The following RIMS3 variants were observed in gnomAD, a reference collection of about 807,000 sequenced individuals.
RIMS3 encodes the protein regulating synaptic membrane exocytosis protein 3.
A neutral mutation model predicts 29.2 loss-of-function variants in RIMS3; 15 were observed. The ratio of observed to expected loss-of-function variants is 0.51; its 90% CI spans 0.34 to 0.79. The LOEUF (loss-of-function observed/expected upper bound fraction) is 0.79, where lower values mean the gene tolerates loss of function less well. Ranked by LOEUF, RIMS3 falls within the 30% of genes least tolerant of loss-of-function variation. The pLI, the probability that RIMS3 is intolerant of heterozygous loss-of-function variation, is 0.01. For missense variants in RIMS3, 342 were observed against 421.4 expected (o/e 0.81, Z 1.65); for synonymous variants, 161 against 170.1 (o/e 0.95, Z 0.41).
At chr1:40,671,757 C>A in the RIMS3 span, among the ~76,000 whole-genome samples, 14 of 130,294 alleles carry the variant, frequency 1.1e-4, 1 homozygote, top group African/African-American at 3.7e-4. Context: ...CCTTTCTTTT[C>A]TTTTTTTTTT....
In RIMS3 at chr1:40,665,579, C is replaced by T. The variant is rs1642413084; in HGVS notation, c.-392G>A. The T allele has an allele frequency of 6.6e-6, 1 of 152,120 alleles. No homozygotes were observed. The highest frequency in any genetic ancestry group is 2.1e-4 in the South Asian group (1 of 4,830). The allele number at this position is 152,120 out of a possible 1,614,324, so 9.4% of individuals were successfully genotyped here. On this transcript the variant is annotated 5_prime_UTR_variant, in exon 1 of 8. Coordinates refer to ENST00000372684, the MANE Select transcript of RIMS3 (RefSeq NM_014747.3). ...GGGCGGGGAGGGGCGGCGAGGGAGG[C>T]TCACGGGGGCATCGCCCGCCACCAC...
Position 40,641,735 on chromosome 1 carries a change from T to C in RIMS3, c.191A>G (p.Lys64Arg). Residue 64 changes from lysine to arginine, a missense_variant, in exon 3 of 8, where the codon AAG becomes AGG. Physicochemically the swap from Lys to Arg is conservative, Grantham distance 26. Coordinates refer to ENST00000372684, the MANE Select transcript of RIMS3 (RefSeq NM_014747.3). ...VAIVGLTQWSKSTLQLPQPEG... is the reference protein window; with the variant it reads ...VAIVGLTQWSRSTLQLPQPEG... ...AGGCTGCGGAAGCTGGAGTGTGCTC[T>C]TGCTCCACTGAGTCAGGCCCACGAT... is the stretch of plus-strand genomic sequence containing the variant. 6.2e-7 allele frequency: 1 copy of C among 1,614,174 alleles called. No individual in the cohort carries two copies. The highest frequency in any genetic ancestry group is 8.5e-7 in the Non-Finnish European group (1 of 1,179,992).
chr1:40,663,815 C>T, intron 1 of RIMS3, among the ~76,000 whole-genome samples: 1 of 152,186 alleles, frequency 6.6e-6, no homozygotes, highest in East Asian at 1.9e-4. Context: ...TCCTGCACGC[C>T]CGCCCAGCAA....
chr1:40,646,748 C>T (rs1646598512), intron 2 of RIMS3, among the ~76,000 whole-genome samples: 1 of 152,184 alleles, frequency 6.6e-6, no homozygotes, highest in South Asian at 2.1e-4. Context: ...GATGTTTGGC[C>T]TCTACCCTGG....
the RIMS3 span, among the ~76,000 whole-genome samples, chr1:40,673,943 A>G: frequency 1.7e-5 from 2 of 117,338 alleles, no homozygotes; most frequent in Non-Finnish European, 3.8e-5. Context: ...TAAAGTGATC[A>G]GCAGTGACTG....
rs561024 is a variant in RIMS3 at position 40,629,292 on chromosome 1, G to C, written c.553C>G (p.Pro185Ala). ...TCACCTGGGAGGGATTTGGAGCCTG[G>C]TTTGGGGGTCAGGCCCCGAGCTTCA... is the stretch of plus-strand genomic sequence containing the variant. ...VIEARGLTPK[P>A]GSKSLPATYI... Residue 185 changes from proline (P) to alanine (A), a missense_variant, in exon 6 of 8, where the codon CCA becomes GCA. Transcript: ENST00000372684. 3,255 of 1,614,086 alleles carry C rather than the reference G, an allele frequency of 2.0e-3. 55 individuals carry two copies. In the African/African-American group the frequency reaches 0.038, roughly 19 times the overall value.
chr1:40,674,780 C>T, the RIMS3 span, among the ~76,000 whole-genome samples: 1 of 152,126 alleles, frequency 6.6e-6, no homozygotes. Context: ...GCAAGAAGGC[C>T]CTTGCCAGGT....
At chr1:40,639,688 G>C (rs1646543401) in intron 3 of RIMS3, among the ~76,000 whole-genome samples, 1 of 152,086 alleles carries the variant, frequency 6.6e-6, no homozygotes, top group South Asian at 2.1e-4. Context: ...TAAATGACAG[G>C]GGATGGATCT....
rs1313703656 is a variant in RIMS3 at position 40,641,690 on chromosome 1, A to G, written c.217+19T>C. On this transcript the variant is annotated intron_variant, in intron 3 of 7. Transcript: ENST00000372684. ...AAGTGTCCCCCACCTCTACCCCGTGATGTCCCATGCCCCCTCACCAGGCTG... is the reference window on the plus strand; with the variant it reads ...AAGTGTCCCCCACCTCTACCCCGTGGTGTCCCATGCCCCCTCACCAGGCTG... 1 of 1,613,074 alleles carries G rather than the reference A, an allele frequency of 6.2e-7. No homozygotes were observed. Among genetic ancestry groups the G allele is most frequent in the Non-Finnish European group, 8.5e-7 (1 of 1,179,326 alleles).
At chr1:40,656,981 C>G (rs990571238) in intron 1 of RIMS3, among the ~76,000 whole-genome samples, 2 of 152,202 alleles carry the variant, frequency 1.3e-5, no homozygotes, top group South Asian at 2.1e-4. Flanking sequence ...TGCAGGAGTT[C>G]GGGCACAGTG....
chr1:40,687,004 T>TC, the RIMS3 span, among the ~76,000 whole-genome samples: 1 of 60,786 alleles, frequency 1.6e-5, no homozygotes, highest in Non-Finnish European at 3.5e-5. Context: ...TGGTGGCTCC[T>TC]CAAAAAAAAA....
intron 1 of RIMS3, among the ~76,000 whole-genome samples, chr1:40,652,265 T>G (rs538900569): frequency 6.6e-6 from 1 of 152,298 alleles, no homozygotes; most frequent in African/African-American, 2.4e-5. Context: ...CACCATCCAG[T>G]GCTTATCAAA....
intron 2 of RIMS3, among the ~76,000 whole-genome samples, chr1:40,645,673 T>C (rs1646590481): frequency 6.6e-6 from 1 of 152,118 alleles, no homozygotes. Flanking sequence ...AGCAAAGTGC[T>C]TCCCTAGCAC....
At position 40,654,655 on chromosome 1, in the gene RIMS3, C is replaced by CCA. The variant is rs928798104; in HGVS notation, c.-206-6815_-206-6814dup. ...TCACACAGACCCACAACACACCCTGCCACACACACACAAACTCGCACGCTG... is the reference window on the plus strand; with the variant it reads ...TCACACAGACCCACAACACACCCTGCCACACACACACACAAACTCGCACGCTG... On this transcript the variant is annotated intron_variant, in intron 1 of 7. Coordinates refer to ENST00000372684, the MANE Select transcript of RIMS3 (RefSeq NM_014747.3). This position sits in a 1 kb window ranked among gnomAD's most constrained non-coding sequence, Gnocchi z 5.3. Among the ~76,000 whole-genome samples the CCA allele has an allele frequency of 4.4e-4, 67 of 151,774 alleles. No homozygotes were observed. The highest frequency in any genetic ancestry group is 1.5e-3 in the African/African-American group (62 of 41,274).
chr1:40,652,144 T>C (rs886590336), intron 1 of RIMS3, among the ~76,000 whole-genome samples: 1 of 152,146 alleles, frequency 6.6e-6, no homozygotes, highest in African/African-American at 2.4e-5. Context: ...TGTGGCTAGA[T>C]GTGGCACCTG....
the RIMS3 span, chr1:40,690,269 T>C: frequency 6.6e-6 from 1 of 152,236 alleles, no homozygotes; most frequent in East Asian, 1.9e-4. Context: ...TTTTTTCCAT[T>C]AGCTACATCT....
At chr1:40,682,728 A>G in the RIMS3 span, among the ~76,000 whole-genome samples, 1 of 95,880 alleles carries the variant, frequency 1.0e-5, no homozygotes, top group Non-Finnish European at 2.2e-5. Context: ...TGATTCTTTG[A>G]CCCTTTGCAG....
intron 5 of RIMS3, among the ~76,000 whole-genome samples, chr1:40,630,818 C>T (rs919472659): frequency 5.9e-5 from 9 of 152,054 alleles, no homozygotes; most frequent in Admixed American, 1.3e-4. Context: ...GAAAAGCAGG[C>T]TCCCCAGACC....
At chr1:40,665,987 G>A (rs907857552), upstream of RIMS3, among the ~76,000 whole-genome samples, 3 of 152,150 alleles carry the variant, frequency 2.0e-5, no homozygotes, top group Admixed American at 1.3e-4. Flanking sequence ...GCACCTCCCA[G>A]GACCTCACAG....
Sources: gnomAD v4.1 joint callset for allele counts (sites outside exome capture counted in the v4.1 genomes callset) on GRCh38, gnomAD v4.1.1 for gene constraint, Gnocchi (gnomAD v3.1) non-coding constraint, MANE v1.5 for transcripts, NCBI Gene and HGNC (gene_info 2026-07-23, HGNC 2026-07-21) for gene names.